The following KCNK2 variants were observed in gnomAD, a reference collection of about 807,000 sequenced individuals.
KCNK2 encodes the protein potassium channel subfamily K member 2.
A neutral mutation model predicts 40.5 loss-of-function variants in KCNK2; 21 were observed. The ratio of observed to expected loss-of-function variants is 0.52; its 90% CI spans 0.37 to 0.75. The LOEUF (loss-of-function observed/expected upper bound fraction) is 0.75. Ranked by LOEUF, KCNK2 falls within the 30% of genes least tolerant of loss-of-function variation. KCNK2 has a pLI of 0.00. For missense variants in KCNK2, 399 were observed against 531.6 expected (o/e 0.75, Z 2.45); for synonymous variants, 191 against 202.2 (o/e 0.94, Z 0.47).
chr1:215,006,279 TG>T (rs1272550317), intron 1 of KCNK2, among the ~76,000 whole-genome samples: 1 of 152,224 alleles, frequency 6.6e-6, no homozygotes, highest in African/African-American at 2.4e-5. Flanking sequence ...ATTTAGATTC[TG>T]GTAATTTATG....
At chr1:215,069,714 C>T (rs2102514203) in intron 1 of KCNK2, among the ~76,000 whole-genome samples, 1 of 152,288 alleles carries the variant, frequency 6.6e-6, no homozygotes, top group South Asian at 2.1e-4. Context: ...CAAGGCACAA[C>T]TAACAATTGG....
intron 2 of KCNK2, among the ~76,000 whole-genome samples, chr1:215,109,530 G>T (rs1660588319): frequency 6.6e-6 from 1 of 151,928 alleles, no homozygotes; most frequent in Non-Finnish European, 1.5e-5. Flanking sequence ...TGCTACAAGT[G>T]ACATGATTTA....
chr1:215,124,765 ATTTTTGT>A lies in KCNK2; in HGVS notation c.475+26_475+32del. ...TACAACCATAGGTAGGAGACAACTT[ATTTTTGT>A]TTTTTGTTTTGATACCGTTTGTGAG... is the stretch of plus-strand genomic sequence containing the variant. On this transcript the variant is annotated intron_variant, in intron 3 of 6. Transcript: ENST00000444842. 6.7e-7 allele frequency: 1 copy of A among 1,498,062 alleles called. No individual in the cohort carries two copies. The highest frequency in any genetic ancestry group is 9.3e-7 in the Non-Finnish European group (1 of 1,076,598). 92.8% of individuals were successfully genotyped at this position (1,498,062 alleles called of 1,614,324 possible).
At chr1:215,017,661 T>G (rs1656638671) in intron 1 of KCNK2, among the ~76,000 whole-genome samples, 1 of 152,124 alleles carries the variant, frequency 6.6e-6, no homozygotes, top group African/African-American at 2.4e-5. Flanking sequence ...AGAGATTTAT[T>G]GTACAACATG....
Position 215,086,486 on chromosome 1 carries a change from T to C in KCNK2, c.165T>C (p.Asn55=). The C allele has an allele frequency of 6.2e-7, 1 of 1,614,084 alleles. No individual in the cohort carries two copies. The highest frequency in any genetic ancestry group is 8.5e-7 in the Non-Finnish European group (1 of 1,179,994). The change falls in exon 2 of 7, where the codon AAT becomes AAC. Residue 55 remains asparagine (N), a synonymous_variant. Coordinates refer to ENST00000444842, the MANE Select transcript of KCNK2 (RefSeq NM_001017425.3). ...ASRVESDTTI[N]VMKWKTVSTI... ...GGGTGGAGAGTGACACGACCATTAA[T>C]GTTATGAAATGGAAGACGGTCTCCA...
intron 1 of KCNK2, among the ~76,000 whole-genome samples, chr1:215,049,517 T>C (rs983199286): frequency 1.3e-5 from 2 of 152,150 alleles, no homozygotes; most frequent in Non-Finnish European, 2.9e-5. Flanking sequence ...ATTTATTAAT[T>C]CTTTTCTTTT....
intron 1 of KCNK2, among the ~76,000 whole-genome samples, chr1:215,044,514 A>C (rs1657674880): frequency 6.6e-6 from 1 of 152,124 alleles, no homozygotes; most frequent in African/African-American, 2.4e-5. Context: ...TCAAATGGGA[A>C]TAATAATAAT....
chr1:215,032,625 C>A lies in KCNK2; in HGVS notation c.34+26670C>A, dbSNP rs528451789. Reference sequence around the variant, plus strand: ...TTGTCAGAAAAATATTTCTCCTTTACTTTTGAAGGATAATTTCCCAGCGTA... The same window carrying A: ...TTGTCAGAAAAATATTTCTCCTTTAATTTTGAAGGATAATTTCCCAGCGTA... On this transcript the variant is annotated intron_variant, in intron 1 of 6. Coordinates refer to the KCNK2 transcript ENST00000391895. 3.3e-5 allele frequency among the ~76,000 whole-genome samples: 5 copies of A among 152,120 alleles called. No homozygotes were observed. In the East Asian group the frequency reaches 9.7e-4, roughly 29 times the overall value.
chr1:215,091,196 G>GTGC (rs1216030540), intron 2 of KCNK2, among the ~76,000 whole-genome samples: 3 of 152,168 alleles, frequency 2.0e-5, no homozygotes, highest in African/African-American at 7.2e-5. Context: ...GTGCCTCATA[G>GTGC]TGCTCTAGGG....
chr1:215,048,109 G>T (rs1657849146), intron 1 of KCNK2, among the ~76,000 whole-genome samples: 2 of 152,084 alleles, frequency 1.3e-5, no homozygotes, highest in South Asian at 4.1e-4. Flanking sequence ...TTTAATATTG[G>T]CCTCCTTGGC....
chr1:215,044,839 G>A (rs1171655198), intron 1 of KCNK2, among the ~76,000 whole-genome samples: 1 of 145,896 alleles, frequency 6.9e-6, no homozygotes, highest in African/African-American at 2.5e-5. Context: ...GCGCGCACAC[G>A]TGTGTTGATG....
intron 2 of KCNK2, among the ~76,000 whole-genome samples, chr1:215,097,529 A>G (rs1172434758): frequency 6.6e-6 from 1 of 151,664 alleles, no homozygotes; most frequent in Non-Finnish European, 1.5e-5. Flanking sequence ...ATTTGAAATT[A>G]CATAATTTTC....
At chr1:215,213,125 T>G (rs1665811000) in intron 6 of KCNK2, among the ~76,000 whole-genome samples, 5 of 152,200 alleles carry the variant, frequency 3.3e-5, no homozygotes, top group Admixed American at 3.3e-4. Context: ...GGAAATGTTT[T>G]ATATAGTTTT....
upstream of KCNK2, among the ~76,000 whole-genome samples, chr1:215,082,506 G>A (rs1382280527): frequency 8.5e-5 from 13 of 152,246 alleles, no homozygotes; most frequent in South Asian, 2.1e-4. Flanking sequence ...CGAGAGTGAG[G>A]ATTTTGCGGG....
At position 215,083,203 on chromosome 1, in the gene KCNK2, C is replaced by CCCCCCACCCCCG; in HGVS notation, c.-183_-182insCCCCCACCCCCG. 1 of 804,904 alleles carries CCCCCCACCCCCG rather than the reference C, an allele frequency of 1.2e-6. No homozygotes were observed. Among genetic ancestry groups the CCCCCCACCCCCG allele is most frequent in the Non-Finnish European group, 1.9e-6 (1 of 524,292 alleles). 49.9% of individuals were successfully genotyped at this position (804,904 alleles called of 1,614,324 possible). On this transcript the variant is annotated 5_prime_UTR_variant, in exon 1 of 7. Coordinates refer to ENST00000444842, the MANE Select transcript of KCNK2 (RefSeq NM_001017425.3). ...TCGTTTCTTCTCACGCTCCCCCCCC[C>CCCCCCACCCCCG]GCCCCCTCCCGCGTCCAGCCCCGCT...
intron 3 of KCNK2, among the ~76,000 whole-genome samples, chr1:215,141,802 C>T (rs1378329061): frequency 6.6e-6 from 1 of 152,010 alleles, no homozygotes; most frequent in Non-Finnish European, 1.5e-5. Context: ...CTGCTGTTTT[C>T]ATTTTTTAAG....
In KCNK2 at chr1:215,008,659, A is replaced by G. The variant is rs113835004; in HGVS notation, c.34+2704A>G. 9.2e-3 allele frequency among the ~76,000 whole-genome samples: 1,407 copies of G among 152,296 alleles called. 19 individuals are homozygous for G. Among genetic ancestry groups the G allele is most frequent in the African/African-American group, 0.032 (1,327 of 41,570 alleles). ...GCATGCGATAAGATGGTTAAACGAC[A>G]TGGGCTTTAGAGACCTTTCTAACTT... On this transcript the variant is annotated intron_variant, in intron 1 of 6. Transcript: ENST00000391895.
At chr1:215,233,339 C>T (rs1666750016) in intron 6 of KCNK2, among the ~76,000 whole-genome samples, 1 of 151,784 alleles carries the variant, frequency 6.6e-6, no homozygotes, top group Non-Finnish European at 1.5e-5. Flanking sequence ...AAAAATAGAT[C>T]CCCAAATGTA....
chr1:215,208,662 T>C (rs1665420693), intron 6 of KCNK2, among the ~76,000 whole-genome samples: 1 of 152,156 alleles, frequency 6.6e-6, no homozygotes, highest in East Asian at 1.9e-4. Flanking sequence ...AATATTGCCC[T>C]AAAGCTAGGT....
Sources: allele counts gnomAD v4.1 joint callset (sites outside exome capture counted in the v4.1 genomes callset), GRCh38; gene constraint gnomAD v4.1.1; transcripts MANE v1.5; gene names NCBI Gene and HGNC (gene_info 2026-07-23, HGNC 2026-07-21).